RNF17: variants seen among roughly 807,000 people sequenced by gnomAD.
RNF17 encodes ring finger protein 17, also known as spermatogenesis associated 23.
A neutral mutation model predicts 200.5 loss-of-function variants in RNF17; 31 were observed. The ratio of observed to expected loss-of-function variants is 0.15; its 90% CI spans 0.12 to 0.21. RNF17 has a LOEUF of 0.21. Among genes scored for constraint, RNF17 ranks in the 10% least tolerant of loss-of-function variants. The pLI is 1.00. For missense variants in RNF17, 1,628 were observed against 1,905.1 expected, an observed-to-expected ratio of 0.85 and a Z score of 2.71; for synonymous variants, 606 against 637.8, an observed-to-expected ratio of 0.95 and a Z score of 0.75.
chr13:24,781,602 C>G (rs1882381283), intron 5 of RNF17, among the ~76,000 whole-genome samples: 1 of 152,196 alleles, frequency 6.6e-6, no homozygotes, highest in African/African-American at 2.4e-5. Flanking sequence ...GCCTACTGCA[C>G]TCCAGCCTGG....
chr13:24,800,416 C>G lies in RNF17; in HGVS notation c.1640C>G (p.Ala547Gly). The G allele has an allele frequency of 2.5e-6, 4 of 1,612,410 alleles. No individual in the cohort carries two copies. Among genetic ancestry groups the G allele is most frequent in the Non-Finnish European group, 3.4e-6 (4 of 1,178,890 alleles). The part of the protein sequence containing the change: ...RPEHSAKQHI[A>G]LNDLCLVLRK... The stretch of plus-strand genomic sequence containing the variant: ...GAACACTCTGCTAAGCAACATATTG[C>G]ACTAAATGATTTATGTCTGGTTCTA... Residue 547 changes from alanine to glycine, a missense_variant, in exon 13 of 36, where the codon GCA becomes GGA. Physicochemically the swap from Ala to Gly is moderately conservative, Grantham distance 60. Around this residue, in one of 5 missense-constraint regions of RNF17, gnomAD observed 289 missense variants for 384.9 expected, o/e 0.75. Coordinates refer to ENST00000255324, the MANE Select transcript of RNF17 (RefSeq NM_031277.3).
intron 3 of RNF17, among the ~76,000 whole-genome samples, chr13:24,776,146 T>C (rs1005328790): frequency 1.3e-5 from 2 of 152,262 alleles, no homozygotes; most frequent in East Asian, 3.8e-4. Flanking sequence ...TAGTTCCTTC[T>C]ATTACATTCA....
At chr13:24,805,715 T>C (rs1885764402) in intron 15 of RNF17, among the ~76,000 whole-genome samples, 1 of 152,204 alleles carries the variant, frequency 6.6e-6, no homozygotes, top group South Asian at 2.1e-4. Context: ...GTATGTATAA[T>C]ACCTAGGAAT....
chr13:24,843,862 G>A lies in RNF17; in HGVS notation c.2722G>A (p.Glu908Lys), dbSNP rs765376189. The change falls in exon 20 of 36, where the codon GAG (glutamate) becomes AAG (lysine). Residue 908 changes from glutamate (E) to lysine (K), a missense_variant. Coordinates refer to ENST00000255324, the MANE Select transcript of RNF17 (RefSeq NM_031277.3). Reference protein sequence around the residue: ...NPVSAKSLPNENFQSLYNKEL... With the variant: ...NPVSAKSLPNKNFQSLYNKEL... ...TGTGTCTGCAAAATCTCTACCTAAT[G>A]AGAATTTTCAGTCACTTTATAATAA... 4 of 1,605,016 alleles carry A rather than the reference G, an allele frequency of 2.5e-6. No individual in the cohort carries two copies. The East Asian group carries it at 6.7e-5, about 27-fold the overall frequency.
At chr13:24,791,889 A>C (rs1883903967) in intron 9 of RNF17, among the ~76,000 whole-genome samples, 1 of 152,160 alleles carries the variant, frequency 6.6e-6, no homozygotes, top group Admixed American at 6.5e-5. Flanking sequence ...CTTTTTTGGT[A>C]ATCTTTTTTG....
At chr13:24,826,148 T>C (rs984641675) in intron 16 of RNF17, 6 of 937,410 alleles carry the variant, frequency 6.4e-6, no homozygotes, top group Non-Finnish European at 6.4e-6. Flanking sequence ...CCCTTCAATT[T>C]TAATATATTC....
At chr13:24,835,151 C>G (rs1242762306) in intron 18 of RNF17, among the ~76,000 whole-genome samples, 1 of 152,082 alleles carries the variant, frequency 6.6e-6, no homozygotes, top group Non-Finnish European at 1.5e-5. Context: ...CCCCCATCCC[C>G]CACAGCAGCC....
rs1248395229 is a variant in RNF17, at chr13:24,774,802, T to G, written c.226-11T>G. The stretch of plus-strand genomic sequence containing the variant: ...GTGACTTTGTTTTTTTAAACCTTAT[T>G]TTGTCCTAAGGTTGCTACAGCTGTA... On this transcript the variant is annotated splice_polypyrimidine_tract_variant and intron_variant, in intron 2 of 35. Transcript: ENST00000255324. 6.3e-7 allele frequency: 1 copy of G among 1,575,798 alleles called. No homozygotes were observed. The highest frequency in any genetic ancestry group is 1.4e-5 in the African/African-American group (1 of 73,678).
chr13:24,866,577 G>A (rs1260837155), intron 30 of RNF17, among the ~76,000 whole-genome samples: 1 of 152,128 alleles, frequency 6.6e-6, no homozygotes, highest in African/African-American at 2.4e-5. Flanking sequence ...ACATTTTCAA[G>A]GTTCATACAT....
Position 24,830,459 on chromosome 13 carries a change from A to G in RNF17, c.2246-25A>G, listed in dbSNP as rs777855693. 2.1e-6 allele frequency: 3 copies of G among 1,424,402 alleles called. No homozygotes were observed. In the South Asian group the frequency reaches 3.6e-5, roughly 17 times the overall value. 88.2% of individuals were successfully genotyped at this position (1,424,402 alleles called of 1,614,324 possible). ...AGATAATTCTGTTTCCAAGTTTGTA[A>G]TTTCTAATTTCATAATTTTTCAAGG... On this transcript the variant is annotated intron_variant, in intron 16 of 35. Transcript: ENST00000255324.
chr13:24,825,141 G>A (rs550320807), intron 15 of RNF17, among the ~76,000 whole-genome samples: 11 of 152,178 alleles, frequency 7.2e-5, no homozygotes, highest in African/African-American at 2.4e-4. Context: ...GCAGAGGACT[G>A]TACTAGATTA....
At chr13:24,771,016 C>T (rs566423066) in intron 2 of RNF17, among the ~76,000 whole-genome samples, 52 of 152,324 alleles carry the variant, frequency 3.4e-4, no homozygotes, top group Admixed American at 8.5e-4. Context: ...GTAATTCCCT[C>T]ATGATCAGTG....
chr13:24,755,496 A>AT, the RNF17 span, among the ~76,000 whole-genome samples: 1 of 152,218 alleles, frequency 6.6e-6, no homozygotes, highest in Non-Finnish European at 1.5e-5. Context: ...TCAAGAACAT[A>AT]TAAGTATGTA....
intron 2 of RNF17, among the ~76,000 whole-genome samples, chr13:24,769,479 C>A (rs1880348461): frequency 6.6e-6 from 1 of 152,278 alleles, no homozygotes; most frequent in Admixed American, 6.5e-5. Context: ...TCTTCAGACG[C>A]ACTGGTGAGC....
At chr13:24,863,893 C>A (rs895096423) in intron 28 of RNF17, among the ~76,000 whole-genome samples, 1 of 152,178 alleles carries the variant, frequency 6.6e-6, no homozygotes, top group Non-Finnish European at 1.5e-5. Flanking sequence ...CTCCCTTGTA[C>A]GCAAAGGGAG....
At chr13:24,844,572 A>G in intron 20 of RNF17, 80 bp from the exon 21 acceptor site, 1 of 1,142,864 alleles carries the variant, frequency 8.7e-7, no homozygotes, top group East Asian at 2.4e-5. Context: ...GGAATGAGCA[A>G]GCGGAGATTG....
chr13:24,871,633 CTTTTTTTT>C (rs143831233), intron 32 of RNF17, among the ~76,000 whole-genome samples: 14 of 128,496 alleles, frequency 1.1e-4, no homozygotes, highest in Admixed American at 6.5e-4. Flanking sequence ...CTTGCCCAGC[CTTTTTTTT>C]TTTTTTTTTG....
In RNF17 at chr13:24,851,536, T is replaced by C. The variant is rs1891891850; in HGVS notation, c.3285T>C (p.Tyr1095=). The C allele has an allele frequency of 6.2e-7, 1 of 1,613,132 alleles. No individual in the cohort carries two copies. The highest frequency in any genetic ancestry group is 8.5e-7 in the Non-Finnish European group (1 of 1,179,782). ...GAGAGCGTGTTGATGTTTCTAAATA[T>C]TTGATTAAAAAGGGTTTGGCTTTGA... The part of the protein sequence containing the change: ...EKGERVDVSK[Y]LIKKGLALRE... Residue 1095 remains tyrosine (Y), a synonymous_variant, in exon 24 of 36, where the codon TAT becomes TAC. Transcript: ENST00000255324.
chr13:24,824,462 GAAA>G, intron 15 of RNF17: 1 of 325,406 alleles, frequency 3.1e-6, no homozygotes, highest in Non-Finnish European at 5.5e-6. Flanking sequence ...ATACTCACAA[GAAA>G]AAAATTCATT....
Sources: allele counts gnomAD v4.1 joint callset (sites outside exome capture counted in the v4.1 genomes callset), GRCh38; gene constraint gnomAD v4.1.1; regional missense constraint gnomAD v4.1.1; transcripts MANE v1.5; gene names NCBI Gene and HGNC (gene_info 2026-07-23, HGNC 2026-07-21).